Variants in LPA observed in about 807,000 individuals in gnomAD.
The protein encoded by LPA is apolipoprotein(a).
A neutral mutation model predicts 197.9 loss-of-function variants in LPA; 199 were observed. That is an observed-to-expected ratio of 1.01 (90% CI 0.90 to 1.13). The LOEUF is 1.13. LPA is among the 50% of genes most tolerant of loss of function. The pLI, the probability that LPA is intolerant of heterozygous loss-of-function variation, is 0.00. For missense variants in LPA, 1,853 were observed against 1,785.8 expected, an observed-to-expected ratio of 1.04 and a Z score of -0.68; for synonymous variants, 715 against 639.5, an observed-to-expected ratio of 1.12 and a Z score of -1.78.
chr6:160,545,377 CT>C (rs58131350), intron 33 of LPA, 62 bp downstream of exon 33: 382 of 1,206,746 alleles, frequency 3.2e-4, no homozygotes, highest in Middle Eastern at 7.7e-4. Context: ...GTTTTTTTTG[CT>C]TTTTTTTTTC....
intron 26 of LPA, among the ~76,000 whole-genome samples, chr6:160,582,364 T>C (rs1031165958): frequency 4.6e-5 from 7 of 152,192 alleles, no homozygotes; most frequent in Admixed American, 2.6e-4. Flanking sequence ...CCTGATTTGA[T>C]CTTTTTTTCT....
At chr6:160,610,551 T>C (rs895819451) in intron 16 of LPA, among the ~76,000 whole-genome samples, 2 of 152,160 alleles carry the variant, frequency 1.3e-5, no homozygotes, top group African/African-American at 4.8e-5. Flanking sequence ...AAATGTTCTT[T>C]GCCACACTTT....
chr6:160,648,909 G>A (rs10945682), intron 2 of LPA, among the ~76,000 whole-genome samples: 64,268 of 151,788 alleles, frequency 0.42, 14,288 homozygotes, highest in African/African-American at 0.57. Context: ...GTTTGTATTG[G>A]CTGATTTTCC....
chr6:160,557,291 G>A, intron 29 of LPA, 99 bp downstream of exon 29: 2 of 1,426,512 alleles, frequency 1.4e-6, no homozygotes, highest in Non-Finnish European at 2.0e-6. Context: ...ATACCCTCAA[G>A]TTTCTGTGTA....
chr6:160,600,462 G>A (rs1779216564), intron 19 of LPA, among the ~76,000 whole-genome samples: 2 of 152,078 alleles, frequency 1.3e-5, no homozygotes, highest in African/African-American at 4.8e-5. Flanking sequence ...AGGGAGATAT[G>A]GAATTAATGC....
intron 1 of LPA, among the ~76,000 whole-genome samples, chr6:160,653,967 T>TATATA (rs1780056489): frequency 2.4e-4 from 6 of 24,514 alleles, no homozygotes; most frequent in African/African-American, 3.4e-4. Flanking sequence ...TAATATATAT[T>TATATA]ATATATAATA....
rs1025938523 is a variant in LPA, at chr6:160,599,107, G to T, written c.3287+393C>A. 2.0e-5 allele frequency among the ~76,000 whole-genome samples: 3 copies of T among 152,302 alleles called. No homozygotes were observed. In the East Asian group the frequency reaches 5.8e-4, roughly 29 times the overall value. ...GCCTGTAATCCCAGCACTTTGGGAG[G>T]CTGAGGCAGGCGGATCACGAGGTCA... On this transcript the variant is annotated intron_variant, in intron 20 of 38. Coordinates refer to ENST00000316300, the MANE Select transcript of LPA (RefSeq NM_005577.4).
chr6:160,569,340 C>A (rs1196497218), intron 28 of LPA, among the ~76,000 whole-genome samples: 2 of 150,544 alleles, frequency 1.3e-5, no homozygotes, highest in African/African-American at 4.8e-5. Context: ...CATCTACAAC[C>A]ATCTGATCTA....
Position 160,547,812 on chromosome 6 carries a change from T to A in LPA, c.5281A>T (p.Lys1761Ter). Residue 1761 changes from lysine to a stop codon, truncating the protein, a stop_gained, in exon 32 of 39, where the codon AAA (lysine) becomes TAA (stop). Coordinates refer to ENST00000316300, the MANE Select transcript of LPA (RefSeq NM_005577.4). LOFTEE classifies it high-confidence loss of function. ...RHSTFIPGTN[K>*]WAGLEKNYCR... ...ACATTTTTTTCCAGACCTGCCCATT[T>A]ATTTGTCCCTGGAATGAACGTGCTG... 1 of 1,614,114 alleles carries A rather than the reference T, an allele frequency of 6.2e-7. No individual in the cohort carries two copies. The highest frequency in any genetic ancestry group is 8.5e-7 in the Non-Finnish European group (1 of 1,180,014).
chr6:160,605,864 A>C (rs1583615589), intron 17 of LPA, among the ~76,000 whole-genome samples: 1 of 152,162 alleles, frequency 6.6e-6, no homozygotes, highest in East Asian at 1.9e-4. Context: ...GACTCTTTCT[A>C]TCCAGACCGC....
chr6:160,548,818 T>C (rs952890816), intron 30 of LPA, among the ~76,000 whole-genome samples, 159 bp from the exon 31 acceptor site: 1 of 152,216 alleles, frequency 6.6e-6, no homozygotes, highest in Non-Finnish European at 1.5e-5. Context: ...GTTCCTCAAC[T>C]TCCCATTTGT....
chr6:160,550,890 C>T (rs1271991551), intron 30 of LPA, among the ~76,000 whole-genome samples: 1 of 152,176 alleles, frequency 6.6e-6, no homozygotes, highest in African/African-American at 2.4e-5. Flanking sequence ...TATTGCTGAA[C>T]AGTATGCCAT....
intron 16 of LPA, among the ~76,000 whole-genome samples, chr6:160,608,699 C>T (rs1779413728): frequency 6.6e-6 from 1 of 152,062 alleles, no homozygotes; most frequent in African/African-American, 2.4e-5. Flanking sequence ...GTATTTGTTT[C>T]TGTTTCCAAT....
At chr6:160,654,003 TAATATATATTA>T (rs1562354675) in intron 1 of LPA, among the ~76,000 whole-genome samples, 3 of 29,946 alleles carry the variant, frequency 1.0e-4, no homozygotes, top group African/African-American at 2.1e-4. Flanking sequence ...ATATTATATA[TAATATATATTA>T]TATATAATAT....
chr6:160,563,003 C>T (rs934935969), intron 28 of LPA, among the ~76,000 whole-genome samples: 1 of 152,008 alleles, frequency 6.6e-6, no homozygotes, highest in Non-Finnish European at 1.5e-5. Flanking sequence ...TTTTGTTAAT[C>T]TTTTCAAAAA....
rs1778002914 is a variant in LPA, at chr6:160,542,771, C to T, written c.5436G>A (p.Glu1812=). 1.2e-6 allele frequency: 2 copies of T among 1,614,134 alleles called. No individual in the cohort carries two copies. Among genetic ancestry groups the T allele is most frequent in the Non-Finnish European group, 1.7e-6 (2 of 1,180,000 alleles). The change falls in exon 34 of 39, where the codon GAG becomes GAA. Residue 1812 remains glutamate, a synonymous_variant. Coordinates refer to ENST00000316300, the MANE Select transcript of LPA (RefSeq NM_005577.4). ...CAATGCTTCCAGGACATTTCTTCGG[C>T]TCCACTTGAGGCTTCCCACAATCAA... The part of the protein sequence containing the change: ...SSFDCGKPQV[E]PKKCPGSIVG...
intron 28 of LPA, among the ~76,000 whole-genome samples, chr6:160,568,952 AC>A (rs1215743492): frequency 1.3e-5 from 2 of 152,212 alleles, no homozygotes; most frequent in African/African-American, 4.8e-5. Context: ...TTCAAGGAGA[AC>A]TACAAACCAC....
intron 21 of LPA, among the ~76,000 whole-genome samples, chr6:160,594,669 G>T (rs1404755140): frequency 6.6e-6 from 1 of 152,126 alleles, no homozygotes; most frequent in East Asian, 1.9e-4. Flanking sequence ...AGGGATGGCT[G>T]GTATCTTTGG....
intron 1 of LPA, among the ~76,000 whole-genome samples, chr6:160,658,889 T>TGAG (rs1562356840): frequency 8.8e-5 from 11 of 125,698 alleles, no homozygotes; most frequent in African/African-American, 3.0e-4. Context: ...TATATATATA[T>TGAG]ATGAGAGAGA....
Sources: allele counts gnomAD v4.1 joint callset (sites outside exome capture counted in the v4.1 genomes callset), GRCh38; gene constraint gnomAD v4.1.1; transcripts MANE v1.5; gene names NCBI Gene and HGNC (gene_info 2026-07-23, HGNC 2026-07-21).